KCNQ1: variants seen among roughly 807,000 people sequenced by gnomAD.
The protein encoded by KCNQ1 is potassium voltage-gated channel subfamily Q member 1, also known as potassium voltage-gated channel subfamily KQT member 1.
KCNQ1 carries 49 observed loss-of-function variants against 72.4 expected under a neutral mutation model. That is an observed-to-expected ratio of 0.68 (90% CI 0.54 to 0.86). The LOEUF (loss-of-function observed/expected upper bound fraction) is 0.86, where lower values mean the gene tolerates loss of function less well. Ranked by LOEUF, KCNQ1 falls within the 40% of genes least tolerant of loss-of-function variation. The probability of loss-of-function intolerance (pLI) is 0.00; values close to 1 mark genes in which losing one functional copy is unlikely to be tolerated. For missense variants in KCNQ1, 790 were observed against 945.1 expected (o/e 0.84, Z 2.15); for synonymous variants, 450 against 412.6 (o/e 1.09, Z -1.10).
At position 2,704,628 on chromosome 11, in the gene KCNQ1, G is replaced by T. The variant is rs1469971996; in HGVS notation, c.1514+42547G>T. 8.5e-5 allele frequency among the ~76,000 whole-genome samples: 13 copies of T among 152,222 alleles called. No individual in the cohort carries two copies. The highest frequency in any genetic ancestry group is 2.6e-4 in the Admixed American group (4 of 15,286). On this transcript the variant is annotated intron_variant, in intron 11 of 15. Transcript: ENST00000155840. This position sits in a 1 kb window ranked among gnomAD's most constrained non-coding sequence, Gnocchi z 4.3. ...CTGAACAGAGAGAGAACTGAAGAGA[G>T]GCAGCAGGGTGAGGGGGAAGACTAC...
chr11:2,454,483 C>T (rs1312079171), intron 1 of KCNQ1, among the ~76,000 whole-genome samples: 3 of 152,048 alleles, frequency 2.0e-5, no homozygotes, highest in Non-Finnish European at 4.4e-5. Flanking sequence ...ATATTTCTAG[C>T]GGGTTACTGC....
rs950383040 is a variant in KCNQ1 at position 2,495,132 on chromosome 11, G to GT, written c.387-32791dup. Among the ~76,000 whole-genome samples, 14 of 152,144 alleles carry GT rather than the reference G, an allele frequency of 9.2e-5. No individual in the cohort carries two copies. Among genetic ancestry groups the GT allele is most frequent in the African/African-American group, 3.4e-4 (14 of 41,424 alleles). ...TTTTCTAGTTTATTTGCATGGAGGT[G>GT]TTTTTAGTATTCTCTGATGGTAGTT... On this transcript the variant is annotated intron_variant, in intron 1 of 15. Transcript: ENST00000155840. This position sits in a 1 kb window ranked among gnomAD's most constrained non-coding sequence, Gnocchi z 4.6.
intron 1 of KCNQ1, chr11:2,521,338 T>C: frequency 2.9e-6 from 1 of 348,402 alleles, no homozygotes; most frequent in Middle Eastern, 3.9e-4. Context: ...ATTTCGCTGC[T>C]CTGGGCCTTT....
intron 14 of KCNQ1, chr11:2,777,431 C>G (rs574220988): frequency 7.5e-4 from 404 of 537,678 alleles, no homozygotes; most frequent in Non-Finnish European, 1.2e-3. Flanking sequence ...TTGAGAGGGA[C>G]AGAAGCACCT....
At chr11:2,643,030 A>C (rs1277558731) in intron 10 of KCNQ1, 1 of 397,920 alleles carries the variant, frequency 2.5e-6, no homozygotes, top group Non-Finnish European at 4.4e-6. Flanking sequence ...ATGTGATATG[A>C]ATCCAATTTA....
chr11:2,504,473 G>T (rs1847067909), intron 1 of KCNQ1, among the ~76,000 whole-genome samples: 1 of 152,142 alleles, frequency 6.6e-6, no homozygotes, highest in African/African-American at 2.4e-5. Context: ...AACTAAAAGA[G>T]AGCTGGGCAC....
rs1389075741 is a variant in KCNQ1 at position 2,720,171 on chromosome 11, GCA to G, written c.1515-48670_1515-48669del. Among the ~76,000 whole-genome samples, 1 of 152,234 alleles carries G rather than the reference GCA, an allele frequency of 6.6e-6. No individual in the cohort carries two copies. Among genetic ancestry groups the G allele is most frequent in the Non-Finnish European group, 1.5e-5 (1 of 68,044 alleles). ...GGAGACGCTTCTAGTATGTTAGACAGCACAGTCTTCCAAATGGACTGTGGGCA... is the reference window on the plus strand; with the variant it reads ...GGAGACGCTTCTAGTATGTTAGACAGCAGTCTTCCAAATGGACTGTGGGCA... On this transcript the variant is annotated intron_variant, in intron 11 of 15. Transcript: ENST00000155840. This position sits in a 1 kb window ranked among gnomAD's most constrained non-coding sequence, Gnocchi z 5.1.
In KCNQ1 at chr11:2,760,782, C is replaced by T. The variant is rs1249057750; in HGVS notation, c.1515-8062C>T. 2.0e-5 allele frequency among the ~76,000 whole-genome samples: 3 copies of T among 152,348 alleles called. No homozygotes were observed. The East Asian group carries it at 5.8e-4, about 29-fold the overall frequency. ...TGAAATGGGAAAGGTTTCCTTGTCC[C>T]CCTTGCAGGACATGTGACAGGGGTG... is the stretch of plus-strand genomic sequence containing the variant. On this transcript the variant is annotated intron_variant, in intron 11 of 15. Transcript: ENST00000155840.
At position 2,661,799 on chromosome 11, in the gene KCNQ1, C is replaced by T. The variant is rs972241366; in HGVS notation, c.1394-162C>T. 9.9e-6 allele frequency: 8 copies of T among 805,704 alleles called. No homozygotes were observed. Among genetic ancestry groups the T allele is most frequent in the Admixed American group, 2.1e-5 (1 of 48,506 alleles). 49.9% of individuals were successfully genotyped at this position (805,704 alleles called of 1,614,324 possible). A position where few individuals can be genotyped will look rare whatever the true frequency, so the allele number is the denominator to read the frequency against. ...GGCACTTTGGGGCCATCTTAAACAC[C>T]CACCCACCCCAACACCCAACTATAA... On this transcript the variant is annotated intron_variant, in intron 10 of 15. Transcript: ENST00000155840. This position sits in a 1 kb window ranked among gnomAD's most constrained non-coding sequence, Gnocchi z 5.9.
chr11:2,476,532 G>C (rs910656611), intron 1 of KCNQ1, among the ~76,000 whole-genome samples: 1 of 152,086 alleles, frequency 6.6e-6, no homozygotes, highest in African/African-American at 2.4e-5. Flanking sequence ...GAAAATAATA[G>C]GAAACAGGAA....
rs1345373986 is a variant in KCNQ1 at position 2,555,457 on chromosome 11, T to A, written c.478-15171T>A. Among the ~76,000 whole-genome samples, 7 of 152,300 alleles carry A rather than the reference T, an allele frequency of 4.6e-5. No individual in the cohort carries two copies. The East Asian group carries it at 1.4e-3, about 29-fold the overall frequency. ...AGCCCTGCCTGGGGAAGATGGGGGA[T>A]TTGCTTTAAATACGTGTAAAGCTGC... On this transcript the variant is annotated intron_variant, in intron 2 of 15. Transcript: ENST00000155840.
chr11:2,522,139 G>C (rs997911487), intron 1 of KCNQ1, among the ~76,000 whole-genome samples: 1 of 152,252 alleles, frequency 6.6e-6, no homozygotes, highest in Non-Finnish European at 1.5e-5. Context: ...CCTATTTGCT[G>C]TCAAGGGGAA....
chr11:2,459,144 C>G (rs1323013978), intron 1 of KCNQ1, among the ~76,000 whole-genome samples: 1 of 152,182 alleles, frequency 6.6e-6, no homozygotes, highest in African/African-American at 2.4e-5. Flanking sequence ...CAGCTCCCAG[C>G]TGGCCATGTT....
In KCNQ1 at chr11:2,735,942, G is replaced by A. The variant is rs1014551920; in HGVS notation, c.1515-32902G>A. Among the ~76,000 whole-genome samples the A allele has an allele frequency of 3.9e-5, 6 of 152,196 alleles. No homozygotes were observed. Among genetic ancestry groups the A allele is most frequent in the Non-Finnish European group, 7.3e-5 (5 of 68,030 alleles). On this transcript the variant is annotated intron_variant, in intron 11 of 15. Transcript: ENST00000155840. This position sits in a 1 kb window ranked among gnomAD's most constrained non-coding sequence, Gnocchi z 7.7. The stretch of plus-strand genomic sequence containing the variant: ...CACACAGTCACAGTCAGAGGCAGGA[G>A]GAGGTGGGTGAGAGGACCCCACGCC...
In KCNQ1 at chr11:2,828,949, C is replaced by T. The variant is rs1847890843; in HGVS notation, c.1795-18818C>T. Reference sequence around the variant, plus strand: ...AATTTCTTAACAGCAATTCAGAAAGCTAGCACATAGTAGAGAAATGCCTTC... The same window carrying T: ...AATTTCTTAACAGCAATTCAGAAAGTTAGCACATAGTAGAGAAATGCCTTC... On this transcript the variant is annotated intron_variant, in intron 15 of 15. Coordinates refer to ENST00000155840, the MANE Select transcript of KCNQ1 (RefSeq NM_000218.3). The surrounding 1 kb of genome is among the most constrained non-coding windows in gnomAD (Gnocchi z 5.3). 6.6e-6 allele frequency among the ~76,000 whole-genome samples: 1 copy of T among 152,174 alleles called. No homozygotes were observed. Among genetic ancestry groups the T allele is most frequent in the Non-Finnish European group, 1.5e-5 (1 of 68,036 alleles).
At position 2,592,770 on chromosome 11, in the gene KCNQ1, C is replaced by T. The variant is rs1848687338; in HGVS notation, c.1393+3916C>T. ...CTGCTGCCTTGGGCGTCCTGAAGAT[C>T]CTCTGTATGCTTGTGGGGTGGGGGC... On this transcript the variant is annotated intron_variant, in intron 10 of 15. Transcript: ENST00000155840. The surrounding 1 kb of genome is among the most constrained non-coding windows in gnomAD (Gnocchi z 5.2). 6.6e-6 allele frequency among the ~76,000 whole-genome samples: 1 copy of T among 152,214 alleles called. No homozygotes were observed. Among genetic ancestry groups the T allele is most frequent in the African/African-American group, 2.4e-5 (1 of 41,454 alleles).
rs912780038 is a variant in KCNQ1, at chr11:2,695,221, A to G, written c.1514+33140A>G. ...ACTGTCACCCTGTAAGGGTCTGCAT[A>G]AAGTCACCGCTCTCTTCCTCTCCAT... On this transcript the variant is annotated intron_variant, in intron 11 of 15. Coordinates refer to ENST00000155840, the MANE Select transcript of KCNQ1 (RefSeq NM_000218.3). This position sits in a 1 kb window ranked among gnomAD's most constrained non-coding sequence, Gnocchi z 5.2. 7.5e-6 allele frequency: 3 copies of G among 398,470 alleles called. No individual in the cohort carries two copies. The highest frequency in any genetic ancestry group is 2.1e-5 in the African/African-American group (1 of 48,608). 24.7% of individuals were successfully genotyped at this position (398,470 alleles called of 1,614,324 possible). A position where few individuals can be genotyped will look rare whatever the true frequency, so the allele number is the denominator to read the frequency against.
chr11:2,680,441 C>G, intron 11 of KCNQ1: 1 of 398,202 alleles, frequency 2.5e-6, no homozygotes, highest in Non-Finnish European at 4.4e-6. Flanking sequence ...TTCTAAAATT[C>G]ATTTCTGGGT....
chr11:2,780,486 C>T (rs1005667926), intron 15 of KCNQ1, among the ~76,000 whole-genome samples: 4 of 152,232 alleles, frequency 2.6e-5, no homozygotes, highest in Non-Finnish European at 5.9e-5. Context: ...AGCCCCTGGC[C>T]TTCCCTACCA....
Sources: allele counts gnomAD v4.1 joint callset (sites outside exome capture counted in the v4.1 genomes callset), GRCh38; gene constraint gnomAD v4.1.1; non-coding constraint Gnocchi (gnomAD v3.1); transcripts MANE v1.5; gene names NCBI Gene and HGNC (gene_info 2026-07-23, HGNC 2026-07-21).